ATP11A: variants seen among roughly 807,000 people sequenced by gnomAD.
ATP11A encodes the protein phospholipid-transporting ATPase IH.
In ATP11A, 81 loss-of-function variants were observed where a neutral mutation model predicts 154.4. The observed-to-expected ratio is 0.52, with a 90% CI of 0.44 to 0.63. The LOEUF (loss-of-function observed/expected upper bound fraction) is 0.63, where lower values mean the gene tolerates loss of function less well. Ranked by LOEUF, ATP11A falls within the 30% of genes least tolerant of loss-of-function variation. The pLI, the probability that ATP11A is intolerant of heterozygous loss-of-function variation, is 0.00. For missense variants in ATP11A, 1,316 were observed against 1,474.3 expected, an observed-to-expected ratio of 0.89 and a Z score of 1.76; for synonymous variants, 623 against 585.9, an observed-to-expected ratio of 1.06 and a Z score of -0.91.
chr13:112,856,318 G>A (rs2079923018), intron 20 of ATP11A: 2 of 375,938 alleles, frequency 5.3e-6, no homozygotes, highest in Non-Finnish European at 9.6e-6. Flanking sequence ...AGATGCAGTG[G>A]CCAGGACAGC....
intron 1 of ATP11A, among the ~76,000 whole-genome samples, chr13:112,714,004 A>T (rs1166132829): frequency 4.6e-5 from 1 of 21,798 alleles, no homozygotes; most frequent in Non-Finnish European, 1.0e-4. Flanking sequence ...TCTCCCTTCC[A>T]CTCCCCCCCA....
intron 22 of ATP11A, chr13:112,858,837 A>C (rs2080013970): frequency 6.2e-6 from 1 of 160,794 alleles, no homozygotes; most frequent in Non-Finnish European, 1.4e-5. Flanking sequence ...TTACTCTTTC[A>C]CTGCACCTAC....
chr13:112,759,159 T>C (rs552540422), intron 1 of ATP11A, among the ~76,000 whole-genome samples: 2 of 152,206 alleles, frequency 1.3e-5, no homozygotes, highest in East Asian at 3.9e-4. Context: ...GCAGAAACAT[T>C]CGTGCCTGCA....
intron 1 of ATP11A, among the ~76,000 whole-genome samples, chr13:112,727,208 T>A (rs1184551818): frequency 6.6e-6 from 1 of 152,152 alleles, no homozygotes; most frequent in Non-Finnish European, 1.5e-5. Flanking sequence ...CCACCATGCC[T>A]GGCTAATTTT....
chr13:112,779,519 A>G (rs2077447286), intron 1 of ATP11A, among the ~76,000 whole-genome samples: 1 of 152,214 alleles, frequency 6.6e-6, no homozygotes, highest in Admixed American at 6.5e-5. Flanking sequence ...TTAAAAGTAA[A>G]TAGTTTTCAC....
intron 1 of ATP11A, among the ~76,000 whole-genome samples, chr13:112,731,106 T>C (rs1436266126): frequency 6.6e-6 from 1 of 152,130 alleles, no homozygotes; most frequent in East Asian, 1.9e-4. Context: ...AGATAATTTT[T>C]GTATTTGTAG....
rs541602031 is a variant in ATP11A at position 112,788,197 on chromosome 13, C to G, written c.162+2940C>G. On this transcript the variant is annotated intron_variant, in intron 2 of 29. Coordinates refer to ENST00000375645, the MANE Select transcript of ATP11A (RefSeq NM_015205.3). ...CACACCAAGTGTCCTGATGTGTAGA[C>G]TCCTGTGGAGACCTACTTAATTCAC... is the stretch of plus-strand genomic sequence containing the variant. Among the ~76,000 whole-genome samples the G allele has an allele frequency of 2.0e-3, 301 of 150,648 alleles. 2 individuals are homozygous for G. Among genetic ancestry groups the G allele is most frequent in the African/African-American group, 7.1e-3 (291 of 40,992 alleles).
At chr13:112,726,476 A>G (rs1889905705) in intron 1 of ATP11A, among the ~76,000 whole-genome samples, 1 of 152,166 alleles carries the variant, frequency 6.6e-6, no homozygotes, top group South Asian at 2.1e-4. Context: ...GCCTAAAGGC[A>G]GTTGTACTTC....
chr13:112,756,713 T>G (rs1178069062), intron 1 of ATP11A, among the ~76,000 whole-genome samples: 1 of 152,228 alleles, frequency 6.6e-6, no homozygotes, highest in Non-Finnish European at 1.5e-5. Flanking sequence ...TTGCCTTTCT[T>G]CTGGGGCACG....
rs2080984924 is a variant in ATP11A, at chr13:112,886,616, A to C, written c.*4750A>C. 1 of 152,442 alleles carries C rather than the reference A, an allele frequency of 6.6e-6. No homozygotes were observed. Among genetic ancestry groups the C allele is most frequent in the Non-Finnish European group, 1.5e-5 (1 of 68,008 alleles). 9.4% of individuals were successfully genotyped at this position (152,442 alleles called of 1,614,324 possible). On this transcript the variant is annotated 3_prime_UTR_variant, in exon 30 of 30. Transcript: ENST00000375645. ...TGTGTCTATAAGCAGCCTTGATGGG[A>C]TATGTTAGAAGTGTCATGAAAGTGT... is the stretch of plus-strand genomic sequence containing the variant.
intron 1 of ATP11A, among the ~76,000 whole-genome samples, chr13:112,784,150 C>T (rs994627994): frequency 2.0e-5 from 3 of 152,178 alleles, no homozygotes; most frequent in Non-Finnish European, 4.4e-5. Flanking sequence ...CCCTGTTAGG[C>T]GGAGAGGAGT....
rs113699289 is a variant in ATP11A at position 112,754,291 on chromosome 13, G to T, written c.40-30844G>T. On this transcript the variant is annotated intron_variant, in intron 1 of 29. Coordinates refer to ENST00000375645, the MANE Select transcript of ATP11A (RefSeq NM_015205.3). The surrounding 1 kb of genome is among the most constrained non-coding windows in gnomAD (Gnocchi z 5.3). ...TCTGCAATCTGCCCCTTAGTGCCTC[G>T]GCTGATTCTTGGTCTTTGGAGACCT... 2.0e-5 allele frequency among the ~76,000 whole-genome samples: 3 copies of T among 152,074 alleles called. No individual in the cohort carries two copies. The East Asian group carries it at 5.8e-4, about 29-fold the overall frequency.
intron 18 of ATP11A, among the ~76,000 whole-genome samples, chr13:112,853,379 G>A (rs2079831352): frequency 6.6e-6 from 1 of 151,898 alleles, no homozygotes; most frequent in Non-Finnish European, 1.5e-5. Context: ...CTGATCTTGA[G>A]ACTTTTAGCT....
At position 112,826,807 on chromosome 13, in the gene ATP11A, CA is replaced by C; in HGVS notation, c.1138del (p.Thr380ProfsTer17). The part of the protein sequence containing the change: ...MQKFLGSYFI[T>X]WDEDMFDEET... ...AGAAGTTCCTCGGCTCTTACTTCATCACCTGGGACGAAGACATGTTTGACGA... is the reference window on the plus strand; with the variant it reads ...AGAAGTTCCTCGGCTCTTACTTCATCCCTGGGACGAAGACATGTTTGACGA... On this transcript the variant is annotated frameshift_variant, in exon 12 of 30. Coordinates refer to ENST00000375645, the MANE Select transcript of ATP11A (RefSeq NM_015205.3). LOFTEE classifies it high-confidence loss of function. 6.2e-7 allele frequency: 1 copy of C among 1,614,212 alleles called. No individual in the cohort carries two copies. Among genetic ancestry groups the C allele is most frequent in the Non-Finnish European group, 8.5e-7 (1 of 1,180,044 alleles).
intron 1 of ATP11A, among the ~76,000 whole-genome samples, chr13:112,719,540 G>A (rs142673865): frequency 1.8e-4 from 28 of 152,258 alleles, no homozygotes; most frequent in Admixed American, 4.6e-4. Flanking sequence ...ATTCCTTAAC[G>A]GGGCAGCGTC....
chr13:112,715,386 C>CCACTTCCCCACACCT, intron 1 of ATP11A, among the ~76,000 whole-genome samples: 2 of 148,384 alleles, frequency 1.3e-5, no homozygotes, highest in South Asian at 2.1e-4. Flanking sequence ...CACACCTGGC[C>CCACTTCCCCACACCT]GATCCCCCCA....
At chr13:112,771,918 C>T (rs779951084) in intron 1 of ATP11A, among the ~76,000 whole-genome samples, 3 of 152,070 alleles carry the variant, frequency 2.0e-5, no homozygotes, top group Non-Finnish European at 4.4e-5. Flanking sequence ...AAGCAGACAC[C>T]GGGAGCCCTG....
At chr13:112,806,748 A>G (rs2078333294) in intron 4 of ATP11A, among the ~76,000 whole-genome samples, 1 of 151,924 alleles carries the variant, frequency 6.6e-6, no homozygotes, top group African/African-American at 2.4e-5. Flanking sequence ...TTTACTCTCT[A>G]CGTATCCATT....
intron 15 of ATP11A, among the ~76,000 whole-genome samples, chr13:112,835,123 C>G (rs185655311): frequency 6.6e-6 from 1 of 151,866 alleles, no homozygotes; most frequent in African/African-American, 2.4e-5. Context: ...TGCACAGTTA[C>G]GCTTTTCAGT....
Sources: gnomAD v4.1 joint callset for allele counts (sites outside exome capture counted in the v4.1 genomes callset) on GRCh38, gnomAD v4.1.1 for gene constraint, Gnocchi (gnomAD v3.1) non-coding constraint, MANE v1.5 for transcripts, NCBI Gene and HGNC (gene_info 2026-07-23, HGNC 2026-07-21) for gene names.